TENM1: variants seen among roughly 807,000 people sequenced by gnomAD.
TENM1 encodes the protein teneurin transmembrane protein 1.
In TENM1, 35 loss-of-function variants were observed where a neutral mutation model predicts 174.8. That is an observed-to-expected ratio of 0.20 (90% CI 0.15 to 0.27). The LOEUF (loss-of-function observed/expected upper bound fraction) is 0.27. Among genes scored for constraint, TENM1 ranks in the 10% least tolerant of loss-of-function variants. The probability of loss-of-function intolerance (pLI) is 1.00; values close to 1 mark genes in which losing one functional copy is unlikely to be tolerated. For missense variants in TENM1, 1,633 were observed against 2,130.1 expected (o/e 0.77, Z 4.59); for synonymous variants, 781 against 798.7 (o/e 0.98, Z 0.37).
At chrX:124,846,452 C>T (rs1461523084) in intron 3 of TENM1, among the ~76,000 whole-genome samples, 1 of 111,202 alleles carries the variant, frequency 9.0e-6, no homozygotes, top group African/African-American at 3.3e-5. Context: ...AAGGGTTCAG[C>T]TTCCAAAACT....
chrX:124,427,948 T>C (rs1449747306), intron 23 of TENM1, among the ~76,000 whole-genome samples: 1 of 96,068 alleles, frequency 1.0e-5, no homozygotes, highest in Non-Finnish European at 2.1e-5. Context: ...CACTTCTTTT[T>C]TGGGGGGGTG....
the TENM1 span, among the ~76,000 whole-genome samples, chrX:125,145,770 A>G: frequency 8.9e-6 from 1 of 112,247 alleles, no homozygotes; most frequent in Admixed American, 9.5e-5. Context: ...AACTTGAGTT[A>G]GTTTGATCAA....
At chrX:124,898,386 G>C (rs993952304) in intron 1 of TENM1, among the ~76,000 whole-genome samples, 17 of 111,007 alleles carry the variant, frequency 1.5e-4, no homozygotes, top group African/African-American at 5.2e-4. Context: ...AGATTTTGCT[G>C]CATCATCTTT....
At chrX:124,867,831 A>G (rs912238217) in intron 3 of TENM1, among the ~76,000 whole-genome samples, 3 of 112,451 alleles carry the variant, frequency 2.7e-5, no homozygotes, top group African/African-American at 6.5e-5. Context: ...TAGCACTTCT[A>G]TATGCCAACA....
At chrX:125,145,615 A>G in the TENM1 span, among the ~76,000 whole-genome samples, 1 of 106,372 alleles carries the variant, frequency 9.4e-6, no homozygotes, top group Non-Finnish European at 1.9e-5. Context: ...CAAGACTGTC[A>G]CTTCATAAGT....
At chrX:124,543,421 C>T (rs768491004) in intron 15 of TENM1, among the ~76,000 whole-genome samples, 15 of 111,902 alleles carry the variant, frequency 1.3e-4, no homozygotes, top group African/African-American at 3.6e-4. Context: ...TGCTGTCAGC[C>T]GCTGCACTAA....
At chrX:124,382,579 TC>T in intron 31 of TENM1, 90 bp downstream of exon 34, 1 of 887,156 alleles carries the variant, frequency 1.1e-6, no homozygotes, top group Non-Finnish European at 1.6e-6. Flanking sequence ...GACTAAAAAA[TC>T]AGTAAGCAAA....
chrX:124,468,332 C>G (rs1049774616), intron 22 of TENM1, among the ~76,000 whole-genome samples: 1 of 109,786 alleles, frequency 9.1e-6, no homozygotes, highest in Non-Finnish European at 1.9e-5. Context: ...CCCACCACCA[C>G]GCCTGGCTAA....
chrX:125,071,393 T>C, the TENM1 span, among the ~76,000 whole-genome samples: 1 of 111,769 alleles, frequency 8.9e-6, no homozygotes, highest in East Asian at 2.8e-4. Flanking sequence ...CATCCCAATC[T>C]CCTACTTTTC....
intron 3 of TENM1, among the ~76,000 whole-genome samples, chrX:124,746,302 C>T (rs1436149972): frequency 9.0e-6 from 1 of 111,353 alleles, no homozygotes; most frequent in Non-Finnish European, 1.9e-5. Flanking sequence ...ATTGTGTGGG[C>T]ACAGCCTGTA....
intron 5 of TENM1, among the ~76,000 whole-genome samples, chrX:124,682,266 AGC>A (rs2052253400): frequency 8.9e-6 from 1 of 111,845 alleles, no homozygotes; most frequent in African/African-American, 3.2e-5. Flanking sequence ...CAGAAATTAG[AGC>A]ATCCCTAAGA....
At chrX:124,710,847 T>C (rs756858748) in intron 4 of TENM1, among the ~76,000 whole-genome samples, 1 of 112,292 alleles carries the variant, frequency 8.9e-6, no homozygotes, top group South Asian at 3.7e-4. Flanking sequence ...TGTTTTGTCA[T>C]AGGCTTTGCA....
intron 2 of TENM1, among the ~76,000 whole-genome samples, chrX:124,894,760 C>T (rs1406906164): frequency 1.8e-5 from 2 of 111,404 alleles, no homozygotes; most frequent in Non-Finnish European, 3.8e-5. Context: ...TAATTTTGAT[C>T]ATTGTTTTTC....
At chrX:124,554,881 C>T (rs1333297411) in intron 14 of TENM1, among the ~76,000 whole-genome samples, 2 of 111,802 alleles carry the variant, frequency 1.8e-5, no homozygotes, top group Non-Finnish European at 3.8e-5. Context: ...AGGCAATTAA[C>T]TTATTGATTT....
intron 22 of TENM1, among the ~76,000 whole-genome samples, chrX:124,457,812 C>T (rs1427576661): frequency 8.9e-6 from 1 of 111,764 alleles, no homozygotes; most frequent in East Asian, 2.8e-4. Flanking sequence ...CATCTCTGTA[C>T]TTAATTTTTT....
At chrX:124,563,632 T>C (rs762583191) in intron 13 of TENM1, 117 bp downstream of exon 16, 64 of 536,962 alleles carry the variant, frequency 1.2e-4, no homozygotes, top group Non-Finnish European at 1.7e-4. Context: ...TTAAATAAGA[T>C]TGCCAAAAAT....
At chrX:124,913,233 G>A (rs2057865387) in intron 1 of TENM1, among the ~76,000 whole-genome samples, 1 of 110,592 alleles carries the variant, frequency 9.0e-6, no homozygotes, top group African/African-American at 3.3e-5. Context: ...AGAAAAAAAC[G>A]AACTTCCACA....
At chrX:124,436,042 A>C (rs2060832772) in intron 23 of TENM1, among the ~76,000 whole-genome samples, 1 of 111,555 alleles carries the variant, frequency 9.0e-6, no homozygotes. Context: ...GTAATGATGA[A>C]ATCCTCTGTG....
the TENM1 span, among the ~76,000 whole-genome samples, chrX:125,196,156 C>T: frequency 2.7e-5 from 3 of 110,668 alleles, no homozygotes; most frequent in Admixed American, 9.6e-5. Flanking sequence ...TCTCCCTTAG[C>T]GGTCACTAGA....
Sources: gnomAD v4.1 joint callset for allele counts (sites outside exome capture counted in the v4.1 genomes callset) on GRCh38, gnomAD v4.1.1 for gene constraint, MANE v1.5 for transcripts, NCBI Gene and HGNC (gene_info 2026-07-23, HGNC 2026-07-21) for gene names.